SLC40A1: variants seen among roughly 807,000 people sequenced by gnomAD.
The protein encoded by SLC40A1 is solute carrier family 40 member 1.
Under a neutral mutation model 53.5 loss-of-function variants are expected in SLC40A1, and 16 were observed. The ratio of observed to expected loss-of-function variants is 0.30; its 90% CI spans 0.20 to 0.45. The LOEUF is 0.45. Among genes scored for constraint, SLC40A1 ranks in the 20% least tolerant of loss-of-function variants. The probability of loss-of-function intolerance (pLI) is 1.00; values close to 1 mark genes in which losing one functional copy is unlikely to be tolerated. For synonymous variants in SLC40A1, 247 were observed against 253.2 expected (o/e 0.98, Z 0.23); for missense variants, 545 against 695.4 (o/e 0.78, Z 2.43).
At chr2:189,565,316 C>A (rs2030898198) in intron 6 of SLC40A1, 38 bp downstream of exon 6, 1 of 1,612,868 alleles carries the variant, frequency 6.2e-7, no homozygotes, top group Non-Finnish European at 8.5e-7. Flanking sequence ...AAGGTCTGAA[C>A]ATGAGAACAA....
chr2:189,575,126 T>C (rs919768600), intron 3 of SLC40A1, 35 bp downstream of exon 3: 3 of 1,612,210 alleles, frequency 1.9e-6, no homozygotes, highest in East Asian at 2.2e-5. Flanking sequence ...ATTGGTCCCA[T>C]GAATAAAAGG....
At chr2:189,567,869 A>G (rs985457637) in intron 5 of SLC40A1, among the ~76,000 whole-genome samples, 5 of 152,200 alleles carry the variant, frequency 3.3e-5, no homozygotes, top group Admixed American at 6.5e-5. Context: ...CCACTAACTA[A>G]TAAGTTTCCA....
rs117600536 is a variant in SLC40A1, at chr2:189,576,178, T to C, written c.112-858A>G. The stretch of plus-strand genomic sequence containing the variant: ...TGGACCTTATTATGAGATTTTAGGC[T>C]CCATCCCTGACTTCTGAAATTAACA... On this transcript the variant is annotated intron_variant, in intron 2 of 7. Coordinates refer to ENST00000261024, the MANE Select transcript of SLC40A1 (RefSeq NM_014585.6). Among the ~76,000 whole-genome samples, 1,370 of 152,278 alleles carry C rather than the reference T, an allele frequency of 9.0e-3. 14 individuals are homozygous for C. The highest frequency in any genetic ancestry group is 0.069 in the East Asian group (359 of 5,186).
chr2:189,570,020 CTATATATG>C (rs1401794708), intron 5 of SLC40A1, among the ~76,000 whole-genome samples: 1 of 144,590 alleles, frequency 6.9e-6, no homozygotes, highest in Non-Finnish European at 1.5e-5. Flanking sequence ...ATATACACAC[CTATATATG>C]TATGTATATA....
intron 5 of SLC40A1, 145 bp from the exon 6 acceptor site, chr2:189,565,744 G>A: frequency 4.9e-6 from 6 of 1,234,818 alleles, no homozygotes; most frequent in Non-Finnish European, 7.0e-6. Context: ...AAGACATTTT[G>A]TTGGAAAAAT....
Position 189,561,635 on chromosome 2 carries a change from C to G in SLC40A1, c.*243G>C, listed in dbSNP as rs2030742427. ...GAGAAATAGGGGAATTCAGTGTTATCATTATAGTCTCCGTATTTAAACTGA... is the reference window on the plus strand; with the variant it reads ...GAGAAATAGGGGAATTCAGTGTTATGATTATAGTCTCCGTATTTAAACTGA... On this transcript the variant is annotated 3_prime_UTR_variant, in exon 8 of 8. Transcript: ENST00000261024. 1 of 494,100 alleles carries G rather than the reference C, an allele frequency of 2.0e-6. No individual in the cohort carries two copies. Among genetic ancestry groups the G allele is most frequent in the African/African-American group, 1.9e-5 (1 of 51,596 alleles). 30.6% of individuals were successfully genotyped at this position (494,100 alleles called of 1,614,324 possible).
In SLC40A1 at chr2:189,579,806, C is replaced by T. The variant is rs757027455; in HGVS notation, c.111+7G>A. 2 of 1,613,094 alleles carry T rather than the reference C, an allele frequency of 1.2e-6. No homozygotes were observed. The highest frequency in any genetic ancestry group is 3.3e-5 in the Admixed American group (2 of 60,024). On this transcript the variant is annotated splice_region_variant and intron_variant, in intron 2 of 7. Transcript: ENST00000261024. ...ACTGTGTTGTAAGACTATGCATTCT[C>T]ACTTACCCAAGTAGAGAGAGAATGA...
rs770403746 is a variant in SLC40A1 at position 189,561,845 on chromosome 2, A to C, written c.*33T>G. The C allele has an allele frequency of 6.4e-7, 1 of 1,565,406 alleles. No homozygotes were observed. The highest frequency in any genetic ancestry group is 8.8e-7 in the Non-Finnish European group (1 of 1,135,902). ...AAAATAAGCACATGTGCTCTATATA[A>C]TCTAGTAACAGGATAGCAACAGTTA... On this transcript the variant is annotated 3_prime_UTR_variant, in exon 8 of 8. Coordinates refer to ENST00000261024, the MANE Select transcript of SLC40A1 (RefSeq NM_014585.6).
At chr2:189,579,915 G>A in intron 1 of SLC40A1, 35 bp from the exon 2 acceptor site, 1 of 1,596,750 alleles carries the variant, frequency 6.3e-7, no homozygotes, top group Non-Finnish European at 8.6e-7. Flanking sequence ...AAAAAGCGAT[G>A]GTAGTCACTT....
chr2:189,566,835 A>G (rs1218480879), intron 5 of SLC40A1, among the ~76,000 whole-genome samples: 2 of 152,208 alleles, frequency 1.3e-5, no homozygotes, highest in Non-Finnish European at 2.9e-5. Context: ...ACAACTGTGA[A>G]TGGTCCTCTA....
At position 189,580,322 on chromosome 2, in the gene SLC40A1, C is replaced by T. The variant is rs2031419350; in HGVS notation, c.43+96G>A. 5.7e-6 allele frequency: 7 copies of T among 1,234,644 alleles called. No individual in the cohort carries two copies. In the South Asian group the frequency reaches 8.4e-5, roughly 15 times the overall value. 76.5% of individuals were successfully genotyped at this position (1,234,644 alleles called of 1,614,324 possible). The stretch of plus-strand genomic sequence containing the variant: ...GATCTTTTTACAAAGCTATGGTTCA[C>T]AGCAGAGCCACATTCCTCCAGAACT... On this transcript the variant is annotated intron_variant, in intron 1 of 7. Transcript: ENST00000261024.
chr2:189,578,422 C>T, intron 2 of SLC40A1: 1 of 967,148 alleles, frequency 1.0e-6, no homozygotes, highest in Non-Finnish European at 1.3e-6. Flanking sequence ...AAAATATCCT[C>T]CTGGAACAAC....
rs5837154 is a variant in SLC40A1 at position 189,580,159 on chromosome 2, GGTTTGTTT to G, written c.43+251_43+258del. On this transcript the variant is annotated intron_variant, in intron 1 of 7. Transcript: ENST00000261024. ...TTCAGCATTCTTTTTTGGGTTGGTTGGTTTGTTTGTTTTGTTTCTTTTTTACACAAGGC... is the reference window on the plus strand; with the variant it reads ...TTCAGCATTCTTTTTTGGGTTGGTTGGTTTTGTTTCTTTTTTACACAAGGC... Among the ~76,000 whole-genome samples the G allele has an allele frequency of 5.9e-5, 9 of 151,540 alleles. No homozygotes were observed. In the South Asian group the frequency reaches 1.5e-3, roughly 25 times the overall value.
chr2:189,564,242 C>G lies in SLC40A1; in HGVS notation c.761-17G>C. 1 of 1,611,306 alleles carries G rather than the reference C, an allele frequency of 6.2e-7. No individual in the cohort carries two copies. The highest frequency in any genetic ancestry group is 1.3e-5 in the African/African-American group (1 of 74,942). ...GCTCAGTATCTGTTAAGAAAAGATA[C>G]CATTATTTTGTTGGGGAGGACATGT... On this transcript the variant is annotated splice_polypyrimidine_tract_variant and intron_variant, in intron 6 of 7. Transcript: ENST00000261024.
rs1347583183 is a variant in SLC40A1 at position 189,561,840 on chromosome 2, A to T, written c.*38T>A. ...AGTACAAAATAAGCACATGTGCTCT[A>T]TATAATCTAGTAACAGGATAGCAAC... On this transcript the variant is annotated 3_prime_UTR_variant, in exon 8 of 8. Transcript: ENST00000261024. The T allele has an allele frequency of 1.9e-6, 3 of 1,543,798 alleles. No homozygotes were observed. Among genetic ancestry groups the T allele is most frequent in the Non-Finnish European group, 2.7e-6 (3 of 1,116,508 alleles).
intron 5 of SLC40A1, among the ~76,000 whole-genome samples, chr2:189,571,355 A>G (rs904687383): frequency 2.6e-5 from 4 of 152,110 alleles, no homozygotes; most frequent in African/African-American, 7.2e-5. Context: ...AGCACCAGTA[A>G]TAACATTCAT....
chr2:189,564,238 G>T lies in SLC40A1; in HGVS notation c.761-13C>A. On this transcript the variant is annotated splice_polypyrimidine_tract_variant and intron_variant, in intron 6 of 7. Transcript: ENST00000261024. ...TTTGGCTCAGTATCTGTTAAGAAAA[G>T]ATACCATTATTTTGTTGGGGAGGAC... The T allele has an allele frequency of 1.2e-6, 2 of 1,612,232 alleles. No homozygotes were observed. The highest frequency in any genetic ancestry group is 1.7e-6 in the Non-Finnish European group (2 of 1,178,372).
chr2:189,571,660 C>T (rs1305694674), intron 5 of SLC40A1, 55 bp downstream of exon 5: 16 of 1,592,938 alleles, frequency 1.0e-5, no homozygotes, highest in Middle Eastern at 1.7e-4. Flanking sequence ...TTATCACCAC[C>T]GATTTAAAGT....
chr2:189,571,602 C>A (rs2031127115), intron 5 of SLC40A1, 113 bp downstream of exon 5: 2 of 1,506,836 alleles, frequency 1.3e-6, no homozygotes, highest in Non-Finnish European at 1.8e-6. Flanking sequence ...TTCAATTTAT[C>A]ATTCTTAAAA....
Sources: allele counts gnomAD v4.1 joint callset (sites outside exome capture counted in the v4.1 genomes callset), GRCh38; gene constraint gnomAD v4.1.1; transcripts MANE v1.5; gene names NCBI Gene and HGNC (gene_info 2026-07-23, HGNC 2026-07-21).